The following THRB variants were observed in gnomAD, a reference collection of about 807,000 sequenced individuals.
The protein encoded by THRB is thyroid hormone receptor beta.
In THRB, 12 loss-of-function variants were observed where a neutral mutation model predicts 47.8. The ratio of observed to expected loss-of-function variants is 0.25; its 90% CI spans 0.16 to 0.41. The LOEUF (loss-of-function observed/expected upper bound fraction) is 0.41. Among genes scored for constraint, THRB ranks in the 10% least tolerant of loss-of-function variants. The pLI is 1.00. For missense variants in THRB, 348 were observed against 589.2 expected, an observed-to-expected ratio of 0.59 and a Z score of 4.24; for synonymous variants, 218 against 212.2, an observed-to-expected ratio of 1.03 and a Z score of -0.24.
intron 1 of THRB, among the ~76,000 whole-genome samples, chr3:24,487,144 C>T (rs951205387): frequency 6.7e-6 from 1 of 148,838 alleles, no homozygotes; most frequent in African/African-American, 2.6e-5. Flanking sequence ...ATACAAGTTG[C>T]TAGGGGTTTG....
At chr3:24,411,813 A>G (rs528230520) in intron 1 of THRB, among the ~76,000 whole-genome samples, 2 of 151,840 alleles carry the variant, frequency 1.3e-5, no homozygotes, top group South Asian at 4.2e-4. Flanking sequence ...ACAACAGAGA[A>G]TTATTTAACC....
intron 1 of THRB, among the ~76,000 whole-genome samples, chr3:24,427,030 A>C (rs1449958222): frequency 2.0e-5 from 3 of 151,958 alleles, no homozygotes; most frequent in Non-Finnish European, 4.4e-5. Context: ...GAGGGATTCA[A>C]ACTGCATTGT....
chr3:24,320,690 A>T (rs1263792076), intron 2 of THRB, among the ~76,000 whole-genome samples: 1 of 152,184 alleles, frequency 6.6e-6, no homozygotes, highest in Non-Finnish European at 1.5e-5. Flanking sequence ...TAATATTAAT[A>T]ACAAATTAGT....
chr3:24,458,317 G>A (rs115806187), intron 1 of THRB: 270 of 152,214 alleles, frequency 1.8e-3, no homozygotes, highest in African/African-American at 6.1e-3. Flanking sequence ...GGGTAGTTCT[G>A]AAGCACAAAA....
At chr3:24,436,525 AGT>A (rs2070974428) in intron 1 of THRB, among the ~76,000 whole-genome samples, 1 of 152,168 alleles carries the variant, frequency 6.6e-6, no homozygotes, top group African/African-American at 2.4e-5. Flanking sequence ...AGTTCGAAAA[AGT>A]GTATCTGCTT....
intron 3 of THRB, among the ~76,000 whole-genome samples, chr3:24,293,886 C>A (rs1360627382): frequency 4.6e-5 from 7 of 152,172 alleles, no homozygotes; most frequent in Non-Finnish European, 8.8e-5. Flanking sequence ...ATCTTGTTTT[C>A]CTTCAGAGTC....
intron 3 of THRB, among the ~76,000 whole-genome samples, chr3:24,255,153 C>T (rs573091245): frequency 6.6e-6 from 1 of 152,226 alleles, no homozygotes; most frequent in Admixed American, 6.5e-5. Context: ...TGTAAACATT[C>T]ATCCCATCGG....
chr3:24,326,430 T>A (rs1039576560), intron 2 of THRB, among the ~76,000 whole-genome samples: 1 of 152,004 alleles, frequency 6.6e-6, no homozygotes, highest in African/African-American at 2.4e-5. Flanking sequence ...GAGATGGGGT[T>A]TCACTATGTT....
chr3:24,350,913 A>G (rs988996517), intron 1 of THRB, among the ~76,000 whole-genome samples: 1 of 152,132 alleles, frequency 6.6e-6, no homozygotes, highest in South Asian at 2.1e-4. Flanking sequence ...CAGTGATGGG[A>G]CCTACAGCTT....
At chr3:24,164,943 C>A in intron 5 of THRB, 1 of 628,946 alleles carries the variant, frequency 1.6e-6, no homozygotes. Context: ...AAAGATTTGA[C>A]GAAGCTGATG....
chr3:24,201,546 A>C (rs1336268761), intron 4 of THRB, among the ~76,000 whole-genome samples: 1 of 152,120 alleles, frequency 6.6e-6, no homozygotes, highest in Admixed American at 6.5e-5. Flanking sequence ...CTAGGGGCAC[A>C]GTCTCCATAT....
At position 24,202,091 on chromosome 3, in the gene THRB, G is replaced by A. The variant is rs62253677; in HGVS notation, c.23-11757C>T. Among the ~76,000 whole-genome samples the A allele has an allele frequency of 4.5e-3, 686 of 152,268 alleles. 3 individuals are homozygous for A. The highest frequency in any genetic ancestry group is 0.012 in the East Asian group (63 of 5,182). On this transcript the variant is annotated intron_variant, in intron 4 of 10. Transcript: ENST00000646209. The stretch of plus-strand genomic sequence containing the variant: ...GGCCCAAGTAGGATTAGCTGAGCAT[G>A]CGACACCCTTTATGGGAAGTCAACA...
chr3:24,403,217 T>C (rs868239380), intron 1 of THRB, among the ~76,000 whole-genome samples: 8 of 151,976 alleles, frequency 5.3e-5, no homozygotes, highest in South Asian at 2.1e-4. Context: ...AATAAAAATA[T>C]ACTGTTGTGG....
At chr3:24,468,407 G>A (rs2074311887) in intron 1 of THRB, among the ~76,000 whole-genome samples, 1 of 152,204 alleles carries the variant, frequency 6.6e-6, no homozygotes, top group African/African-American at 2.4e-5. Flanking sequence ...AGGAGGCCTA[G>A]CTTTTGACCT....
At chr3:24,436,059 G>A (rs1335681760) in intron 1 of THRB, among the ~76,000 whole-genome samples, 2 of 152,054 alleles carry the variant, frequency 1.3e-5, no homozygotes, top group African/African-American at 4.8e-5. Context: ...GAGACCTCAG[G>A]GTGAGTCAGA....
At chr3:24,177,358 C>T (rs2041297197) in intron 5 of THRB, among the ~76,000 whole-genome samples, 1 of 152,180 alleles carries the variant, frequency 6.6e-6, no homozygotes, top group African/African-American at 2.4e-5. Context: ...ACTCGAAGCT[C>T]TGCCAACATT....
chr3:24,301,851 C>T (rs753508758), intron 2 of THRB, among the ~76,000 whole-genome samples: 2 of 152,122 alleles, frequency 1.3e-5, no homozygotes, highest in African/African-American at 2.4e-5. Flanking sequence ...AATCCTTGAG[C>T]GGCAGATGTC....
intron 1 of THRB, among the ~76,000 whole-genome samples, chr3:24,470,968 G>C (rs1453376394): frequency 6.6e-6 from 1 of 152,156 alleles, no homozygotes; most frequent in Non-Finnish European, 1.5e-5. Flanking sequence ...GTGTTTGAAG[G>C]CTGCCACACA....
chr3:24,236,098 C>T (rs1284183133), intron 3 of THRB, among the ~76,000 whole-genome samples: 1 of 152,176 alleles, frequency 6.6e-6, no homozygotes, highest in Admixed American at 6.5e-5. Flanking sequence ...CTGTGGATCT[C>T]TTGGGGGTAA....
Sources: allele counts gnomAD v4.1 joint callset (sites outside exome capture counted in the v4.1 genomes callset), GRCh38; gene constraint gnomAD v4.1.1; transcripts MANE v1.5; gene names NCBI Gene and HGNC (gene_info 2026-07-23, HGNC 2026-07-21).